Variants in ATP13A1 observed in about 807,000 individuals in gnomAD.
ATP13A1 encodes the protein ATPase 13A1.
Under a neutral mutation model 134.8 loss-of-function variants are expected in ATP13A1, and 55 were observed. That is an observed-to-expected ratio of 0.41 (90% CI 0.33 to 0.51). The LOEUF (loss-of-function observed/expected upper bound fraction) is 0.51, where lower values mean the gene tolerates loss of function less well. Among genes scored for constraint, ATP13A1 ranks in the 20% least tolerant of loss-of-function variants. The pLI, the probability that ATP13A1 is intolerant of heterozygous loss-of-function variation, is 0.29. For synonymous variants in ATP13A1, 775 were observed against 725.1 expected (o/e 1.07, Z -1.10); for missense variants, 1,389 against 1,652.8 (o/e 0.84, Z 2.77).
In ATP13A1 at chr19:19,663,573, G is replaced by A. The variant is rs887648610; in HGVS notation, c.94C>T (p.Pro32Ser). 8.0e-6 allele frequency: 12 copies of A among 1,499,276 alleles called. No homozygotes were observed. The highest frequency in any genetic ancestry group is 2.9e-5 in the African/African-American group (2 of 68,976). 92.9% of individuals were successfully genotyped at this position (1,499,276 alleles called of 1,614,324 possible). The change falls in exon 1 of 26, where the codon CCG becomes TCG. Residue 32 changes from proline (P) to serine (S), a missense_variant. By Grantham distance (74) the Pro-to-Ser change is moderately conservative. Around this residue, in one of 4 missense-constraint regions of ATP13A1, gnomAD observed 293 missense variants for 270.8 expected, o/e 1.08. Coordinates refer to ENST00000357324, the MANE Select transcript of ATP13A1 (RefSeq NM_020410.3). ...PDGQPKPGPQ[P>S]RALLAAGPAL... ...GGCCCGGCGGCAAGGAGCGCGCGCG[G>A]CTGCGGCCCGGGCTTGGGCTGCCCG...
chr19:19,647,311 T>C lies in ATP13A1; in HGVS notation c.2923A>G (p.Lys975Glu). The C allele has an allele frequency of 6.2e-7, 1 of 1,610,638 alleles. No individual in the cohort carries two copies. The highest frequency in any genetic ancestry group is 8.5e-7 in the Non-Finnish European group (1 of 1,179,354). The change falls in exon 22 of 26, where the codon AAG (lysine) becomes GAG (glutamate). Residue 975 changes from lysine (K) to glutamate (E), a missense_variant. Physicochemically the swap from Lys to Glu is moderately conservative, Grantham distance 56. Coordinates refer to ENST00000357324, the MANE Select transcript of ATP13A1 (RefSeq NM_020410.3). The surrounding 1 kb of genome is among the most constrained non-coding windows in gnomAD (Gnocchi z 4.8). Reference protein sequence around the residue: ...SSIQCICHVIKQGRCTLVTTL... With the variant: ...SSIQCICHVIEQGRCTLVTTL... The stretch of plus-strand genomic sequence containing the variant: ...GTCACCAGCGTGCAGCGGCCCTGCT[T>C]GATCACGTGGCAGACTGCAGGGTGG...
At chr19:19,661,590 C>G (rs2062094717) in intron 1 of ATP13A1, among the ~76,000 whole-genome samples, 1 of 152,178 alleles carries the variant, frequency 6.6e-6, no homozygotes, top group Non-Finnish European at 1.5e-5. Context: ...TATGAGTTCT[C>G]CCTCCCAGTA....
chr19:19,661,508 T>C (rs548302095), intron 1 of ATP13A1, among the ~76,000 whole-genome samples: 3 of 152,296 alleles, frequency 2.0e-5, no homozygotes, highest in Non-Finnish European at 2.9e-5. Context: ...GGCTGCCCCA[T>C]CTAAAGTTCC....
rs1297492112 is a variant in ATP13A1 at position 19,647,068 on chromosome 19, A to AT, written c.3105+60dup. The AT allele has an allele frequency of 6.6e-7, 1 of 1,518,352 alleles. No homozygotes were observed. Among genetic ancestry groups the AT allele is most frequent in the Non-Finnish European group, 8.9e-7 (1 of 1,122,296 alleles). The allele number at this position is 1,518,352 out of a possible 1,614,324, so 94.1% of individuals were successfully genotyped here. A position where few individuals can be genotyped will look rare whatever the true frequency, so the allele number is the denominator to read the frequency against. ...CTTGGGGATGACAATTCCCGTGCCT[A>AT]TATCAGCCTGGCCCTGGCAGGCCCA... On this transcript the variant is annotated intron_variant, in intron 22 of 25. Coordinates refer to ENST00000357324, the MANE Select transcript of ATP13A1 (RefSeq NM_020410.3). This position sits in a 1 kb window ranked among gnomAD's most constrained non-coding sequence, Gnocchi z 4.8.
intron 1 of ATP13A1, chr19:19,662,026 A>G: frequency 6.4e-7 from 1 of 1,554,976 alleles, no homozygotes; most frequent in Non-Finnish European, 8.7e-7. Context: ...ACTGAAACTC[A>G]GAGAGCAGAA....
intron 17 of ATP13A1, 185 bp from the exon 18 acceptor site, chr19:19,650,125 G>A (rs1389266485): frequency 8.1e-6 from 5 of 613,846 alleles, no homozygotes; most frequent in Non-Finnish European, 1.1e-5. Context: ...GGTGCACAGG[G>A]TGGAACCAAG....
At chr19:19,651,840 C>A (rs1369423653) in intron 16 of ATP13A1, 43 bp from the exon 17 acceptor site, 1 of 1,503,402 alleles carries the variant, frequency 6.7e-7, no homozygotes, top group South Asian at 1.2e-5. Flanking sequence ...CACCCTGGGG[C>A]CAAGCTCTAG....
Position 19,647,752 on chromosome 19 carries a change from C to A in ATP13A1, c.2640G>T (p.Ala880=), listed in dbSNP as rs145829830. ...CCCGCTCAGGGGCATTGGCCAAGAG[C>A]GCCACACCTGGGGGGCAGGAGGGTG... ...GALKHADVGV[A]LLANAPERVV... The change falls in exon 20 of 26, where the codon GCG becomes GCT. Residue 880 remains alanine (A), a synonymous_variant. Coordinates refer to ENST00000357324, the MANE Select transcript of ATP13A1 (RefSeq NM_020410.3). The surrounding 1 kb of genome is among the most constrained non-coding windows in gnomAD (Gnocchi z 4.8). 1.9e-4 allele frequency: 297 copies of A among 1,596,960 alleles called. No homozygotes were observed. The African/African-American group carries it at 3.0e-3, about 16-fold the overall frequency.
intron 1 of ATP13A1, among the ~76,000 whole-genome samples, chr19:19,662,698 T>C (rs2062102052): frequency 6.6e-6 from 1 of 152,210 alleles, no homozygotes; most frequent in Admixed American, 6.5e-5. Context: ...TGTAAATGAC[T>C]CGCTCATAAA....
chr19:19,653,659 G>A lies in ATP13A1; in HGVS notation c.2100+125C>T. ...TTTGGAGTCTCCAAAGGTAGAAGCT[G>A]GAGGCGGGGCAAGGAGGACAAAATC... On this transcript the variant is annotated intron_variant, in intron 15 of 25. Coordinates refer to ENST00000357324, the MANE Select transcript of ATP13A1 (RefSeq NM_020410.3). This position sits in a 1 kb window ranked among gnomAD's most constrained non-coding sequence, Gnocchi z 4.2. The A allele has an allele frequency of 1.1e-6, 1 of 896,580 alleles. No homozygotes were observed. Among genetic ancestry groups the A allele is most frequent in the Non-Finnish European group, 1.7e-6 (1 of 596,318 alleles). The allele number at this position is 896,580 out of a possible 1,614,324, so 55.5% of individuals were successfully genotyped here.
At chr19:19,657,465 C>A in intron 3 of ATP13A1, 57 bp from the exon 4 acceptor site, 1 of 1,510,828 alleles carries the variant, frequency 6.6e-7, no homozygotes, top group Non-Finnish European at 8.9e-7. Flanking sequence ...GGTATGGAGT[C>A]TCCACCCTGA....
In ATP13A1 at chr19:19,655,196, C is replaced by T. The variant is rs1336194809; in HGVS notation, c.1578G>A (p.Lys526=). ...TCTTGTCAAAGCAGCACACCTCGAC[C>T]TTGCCAGCAAAGGGGATCCGGAAGG... The part of the protein sequence containing the change: ...TEPFRIPFAG[K]VEVCCFDKTG... Residue 526 remains lysine (K), a synonymous_variant, in exon 12 of 26, where the codon AAG becomes AAA. Transcript: ENST00000357324. The surrounding 1 kb of genome is among the most constrained non-coding windows in gnomAD (Gnocchi z 5.7). 1 of 1,613,916 alleles carries T rather than the reference C, an allele frequency of 6.2e-7. No individual in the cohort carries two copies. Among genetic ancestry groups the T allele is most frequent in the Admixed American group, 1.7e-5 (1 of 60,002 alleles).
chr19:19,663,055 CT>C, intron 1 of ATP13A1: 1 of 756,404 alleles, frequency 1.3e-6, no homozygotes, highest in Non-Finnish European at 2.4e-6. Context: ...ACAGGGAGGA[CT>C]TCAGAAAAAG....
Position 19,654,776 on chromosome 19 carries a change from C to T in ATP13A1, c.1656-76G>A, listed in dbSNP as rs555368601. Reference sequence around the variant, plus strand: ...GCTGCATCCCCACCAGCAGAAGGACCCCCAAGGCCATTCATTCCGTGCTTG... The same window carrying T: ...GCTGCATCCCCACCAGCAGAAGGACTCCCAAGGCCATTCATTCCGTGCTTG... On this transcript the variant is annotated intron_variant, in intron 12 of 25. Coordinates refer to ENST00000357324, the MANE Select transcript of ATP13A1 (RefSeq NM_020410.3). 41 of 1,498,340 alleles carry T rather than the reference C, an allele frequency of 2.7e-5. No homozygotes were observed. In the African/African-American group the frequency reaches 5.1e-4, roughly 19 times the overall value. The allele number at this position is 1,498,340 out of a possible 1,614,324, so 92.8% of individuals were successfully genotyped here.
chr19:19,661,511 A>G (rs1240185065), intron 1 of ATP13A1, among the ~76,000 whole-genome samples: 3 of 152,144 alleles, frequency 2.0e-5, no homozygotes, highest in African/African-American at 7.2e-5. Context: ...TGCCCCATCT[A>G]AAGTTCCCGG....
chr19:19,653,918 C>A lies in ATP13A1; in HGVS notation c.1990-24G>T, dbSNP rs1218907179. ...AACTGCAGGGAATGCAGGGGGATGT[C>A]ACGGGCTGCCCCGCGCCCCCACCCC... On this transcript the variant is annotated intron_variant, in intron 14 of 25. Transcript: ENST00000357324. The surrounding 1 kb of genome is among the most constrained non-coding windows in gnomAD (Gnocchi z 4.2). 6.4e-7 allele frequency: 1 copy of A among 1,567,782 alleles called. No homozygotes were observed. The highest frequency in any genetic ancestry group is 1.4e-5 in the African/African-American group (1 of 73,980).
chr19:19,645,785 C>A lies in ATP13A1; in HGVS notation c.3366G>T (p.Pro1122=), dbSNP rs111876384. ...MATFAINYKG[P]PFMESLPENK... ...TCTCGGGCAGGCTCTCCATGAAGGG[C>A]GGGCCCTGTGGGGATGAGGGACAGA... The change falls in exon 25 of 26, where the codon CCG becomes CCT. Residue 1122 remains proline, a synonymous_variant. Transcript: ENST00000357324. This position sits in a 1 kb window ranked among gnomAD's most constrained non-coding sequence, Gnocchi z 4.1. 1 of 1,313,762 alleles carries A rather than the reference C, an allele frequency of 7.6e-7. No homozygotes were observed. Among genetic ancestry groups the A allele is most frequent in the Non-Finnish European group, 1.0e-6 (1 of 993,792 alleles). 81.4% of individuals were successfully genotyped at this position (1,313,762 alleles called of 1,614,324 possible). A position where few individuals can be genotyped will look rare whatever the true frequency, so the allele number is the denominator to read the frequency against.
chr19:19,647,702 C>G lies in ATP13A1; in HGVS notation c.2690G>C (p.Arg897Pro). The G allele has an allele frequency of 6.2e-7, 1 of 1,610,438 alleles. No individual in the cohort carries two copies. Among genetic ancestry groups the G allele is most frequent in the Middle Eastern group, 1.7e-4 (1 of 5,720 alleles). The change falls in exon 20 of 26, where the codon CGG becomes CCG. Residue 897 changes from arginine (R) to proline (P), a missense_variant. Arg to Pro is a moderately radical substitution (Grantham distance 103, BLOSUM62 -2). This residue lies in a region of ATP13A1 where 121 missense variants were observed against 104.9 expected (regional missense o/e 1.15). Transcript: ENST00000357324. This position sits in a 1 kb window ranked among gnomAD's most constrained non-coding sequence, Gnocchi z 4.8. ...ACTGTTGCTCAGGGTTGGGCTGTCC[C>G]GGGGCCGCCGTCGCCGCTCGACAAC... ...ERVVERRRRP[R>P]DSPTLSNSGI... is the part of the protein sequence containing the mutation.
chr19:19,656,813 G>C lies in ATP13A1; in HGVS notation c.976+34C>G, dbSNP rs1169838739. The stretch of plus-strand genomic sequence containing the variant: ...GTTGGCCAGAGGCCCTGAGGCTGGG[G>C]CTCCCACTGGGACTGAGCGGAACCC... On this transcript the variant is annotated intron_variant, in intron 6 of 25. Transcript: ENST00000357324. This position sits in a 1 kb window ranked among gnomAD's most constrained non-coding sequence, Gnocchi z 4.6. 1.2e-6 allele frequency: 2 copies of C among 1,612,168 alleles called. No homozygotes were observed. Among genetic ancestry groups the C allele is most frequent in the South Asian group, 2.2e-5 (2 of 90,902 alleles).
Sources: gnomAD v4.1 joint callset for allele counts (sites outside exome capture counted in the v4.1 genomes callset) on GRCh38, gnomAD v4.1.1 for gene constraint, gnomAD v4.1.1 regional missense constraint, Gnocchi (gnomAD v3.1) non-coding constraint, MANE v1.5 for transcripts, NCBI Gene and HGNC (gene_info 2026-07-23, HGNC 2026-07-21) for gene names.